ARL15: variants seen among roughly 807,000 people sequenced by gnomAD.
ARL15 encodes the protein ARF like GTPase 15.
A neutral mutation model predicts 25.2 loss-of-function variants in ARL15; 19 were observed. The observed-to-expected ratio is 0.75, with a 90% CI of 0.53 to 1.10. The LOEUF (loss-of-function observed/expected upper bound fraction) is 1.10. Among genes scored for constraint, ARL15 ranks in the 50% least tolerant of loss-of-function variants. ARL15 has a pLI of 0.00. For synonymous variants in ARL15, 94 were observed against 86.8 expected, an observed-to-expected ratio of 1.08 and a Z score of -0.46; for missense variants, 220 against 246.0, an observed-to-expected ratio of 0.89 and a Z score of 0.71.
chr5:54,246,944 G>C (rs1040591393), intron 1 of ARL15, among the ~76,000 whole-genome samples: 26 of 151,956 alleles, frequency 1.7e-4, no homozygotes, highest in African/African-American at 6.0e-4. Flanking sequence ...CAGGATGGTC[G>C]GGGAAGCATA....
chr5:54,102,158 G>A (rs184872114), intron 4 of ARL15, among the ~76,000 whole-genome samples: 2 of 151,660 alleles, frequency 1.3e-5, no homozygotes, highest in Non-Finnish European at 2.9e-5. Context: ...AATTACAGGC[G>A]TGCACCACCA....
chr5:54,138,189 G>A (rs1035188250), intron 3 of ARL15, among the ~76,000 whole-genome samples: 11 of 152,106 alleles, frequency 7.2e-5, no homozygotes, highest in African/African-American at 2.2e-4. Flanking sequence ...CTTAAAATAG[G>A]AGGATCTCGA....
intron 4 of ARL15, among the ~76,000 whole-genome samples, chr5:53,986,803 T>C (rs1279628581): frequency 6.6e-6 from 1 of 152,198 alleles, no homozygotes; most frequent in African/African-American, 2.4e-5. Context: ...TGAAGAAGCC[T>C]GACAGAGTCC....
At chr5:54,109,742 A>G (rs542233535) in intron 4 of ARL15, among the ~76,000 whole-genome samples, 25 of 152,058 alleles carry the variant, frequency 1.6e-4, no homozygotes, top group Non-Finnish European at 3.2e-4. Flanking sequence ...AATTTTCCCT[A>G]ATGTACCAAG....
chr5:53,892,055 T>C lies in ARL15; in HGVS notation c.463-5342A>G, dbSNP rs75309088. Reference sequence around the variant, plus strand: ...TAAAAGACCGTTTAATACTGCACAGTTTACTAAGGGCTTTTTCACTTATTT... The same window carrying C: ...TAAAAGACCGTTTAATACTGCACAGCTTACTAAGGGCTTTTTCACTTATTT... On this transcript the variant is annotated intron_variant, in intron 4 of 4. Transcript: ENST00000504924. Among the ~76,000 whole-genome samples the C allele has an allele frequency of 5.2e-3, 788 of 152,294 alleles. 6 individuals carry two copies. Among genetic ancestry groups the C allele is most frequent in the African/African-American group, 0.018 (732 of 41,554 alleles).
intron 1 of ARL15, among the ~76,000 whole-genome samples, chr5:54,195,835 G>T (rs1755533972): frequency 6.6e-6 from 1 of 152,036 alleles, no homozygotes; most frequent in African/African-American, 2.4e-5. Flanking sequence ...TTTAGGATGA[G>T]AAAACAGACC....
At chr5:53,917,436 G>A (rs959684620) in intron 4 of ARL15, among the ~76,000 whole-genome samples, 2 of 152,038 alleles carry the variant, frequency 1.3e-5, no homozygotes, top group African/African-American at 2.4e-5. Flanking sequence ...AATTGAGAAT[G>A]TTCCCTCAAT....
chr5:54,140,197 C>T lies in ARL15; in HGVS notation c.253+14383G>A, dbSNP rs193044996. The stretch of plus-strand genomic sequence containing the variant: ...CTGGATTATAGTAGGTCTCTCTTAA[C>T]TTACTGGAACAAAAAGGGTGATTAA... On this transcript the variant is annotated intron_variant, in intron 3 of 4. Transcript: ENST00000504924. Among the ~76,000 whole-genome samples, 247 of 150,044 alleles carry T rather than the reference C, an allele frequency of 1.6e-3. 2 individuals carry two copies. The highest frequency in any genetic ancestry group is 8.2e-3 in the Admixed American group (124 of 15,058).
At chr5:54,009,125 T>C (rs3776705) in intron 4 of ARL15, among the ~76,000 whole-genome samples, 41,966 of 152,104 alleles carry the variant, frequency 0.28, 6,009 homozygotes, top group East Asian at 0.46. Context: ...TATATGTAAA[T>C]GCAAAGGTGC....
At chr5:54,216,536 A>G (rs1238707232) in intron 1 of ARL15, among the ~76,000 whole-genome samples, 1 of 152,156 alleles carries the variant, frequency 6.6e-6, no homozygotes, top group African/African-American at 2.4e-5. Context: ...ATTTCCACAT[A>G]CTCAGCATAA....
At chr5:54,004,810 A>G (rs4588541) in intron 4 of ARL15, among the ~76,000 whole-genome samples, 41,874 of 151,430 alleles carry the variant, frequency 0.28, 5,978 homozygotes, top group East Asian at 0.45. Flanking sequence ...TGTGTGTGTA[A>G]GAGGGGTTAT....
chr5:54,152,307 T>C (rs1026592896), intron 3 of ARL15, among the ~76,000 whole-genome samples: 1 of 152,188 alleles, frequency 6.6e-6, no homozygotes, highest in Non-Finnish European at 1.5e-5. Context: ...CCTTCATATC[T>C]AGCATACACG....
chr5:54,194,311 T>C (rs560673974), intron 1 of ARL15, among the ~76,000 whole-genome samples: 11 of 152,192 alleles, frequency 7.2e-5, no homozygotes, highest in South Asian at 4.2e-4. Flanking sequence ...TGGAAGAACA[T>C]AGGCAAGGAT....
At chr5:54,114,357 T>C (rs1752829643) in intron 3 of ARL15, among the ~76,000 whole-genome samples, 1 of 119,478 alleles carries the variant, frequency 8.4e-6, no homozygotes, top group Non-Finnish European at 1.6e-5. Flanking sequence ...TGAGCCAAGA[T>C]CGCGCCACTG....
intron 2 of ARL15, among the ~76,000 whole-genome samples, chr5:54,154,894 G>A (rs946503613): frequency 1.1e-4 from 16 of 152,226 alleles, no homozygotes; most frequent in South Asian, 2.1e-4. Context: ...AAGCCAAGGC[G>A]GGCAGATCAC....
chr5:54,174,359 T>C (rs375655694), intron 1 of ARL15, among the ~76,000 whole-genome samples: 6 of 152,334 alleles, frequency 3.9e-5, no homozygotes, highest in African/African-American at 1.2e-4. Context: ...TTAGTTAGCC[T>C]AGTTCCCAAA....
At chr5:54,048,416 T>A (rs1315966543) in intron 4 of ARL15, 1 of 147,502 alleles carries the variant, frequency 6.8e-6, no homozygotes, top group Non-Finnish European at 1.5e-5. Context: ...TATTTTTTTT[T>A]TTTTGAGATG....
At chr5:54,169,075 G>A (rs1309216995) in intron 2 of ARL15, among the ~76,000 whole-genome samples, 1 of 151,958 alleles carries the variant, frequency 6.6e-6, no homozygotes, top group African/African-American at 2.4e-5. Context: ...TAATTCATCA[G>A]AAAATAGACT....
intron 1 of ARL15, among the ~76,000 whole-genome samples, chr5:54,212,655 T>C (rs1756076582): frequency 6.6e-6 from 1 of 152,252 alleles, no homozygotes; most frequent in African/African-American, 2.4e-5. Flanking sequence ...GTGTTTGTCC[T>C]GTTGGACTAT....
Sources: allele counts gnomAD v4.1 joint callset (sites outside exome capture counted in the v4.1 genomes callset), GRCh38; gene constraint gnomAD v4.1.1; transcripts MANE v1.5; gene names NCBI Gene and HGNC (gene_info 2026-07-23, HGNC 2026-07-21).